TMPRSS15: variants seen among roughly 807,000 people sequenced by gnomAD.
TMPRSS15 encodes the protein transmembrane serine protease 15.
TMPRSS15 carries 128 observed loss-of-function variants against 125.3 expected under a neutral mutation model. That is an observed-to-expected ratio of 1.02 (90% confidence interval 0.89 to 1.18). The LOEUF (loss-of-function observed/expected upper bound fraction) is 1.18. Among genes scored for constraint, TMPRSS15 ranks in the 50% most tolerant of loss-of-function variants. The pLI, the probability that TMPRSS15 is intolerant of heterozygous loss-of-function variation, is 0.00. For synonymous variants in TMPRSS15, 446 were observed against 423.2 expected (o/e 1.05, Z -0.66); for missense variants, 1,283 against 1,212.7 (o/e 1.06, Z -0.86).
At chr21:18,443,972 T>C (rs2076249144) in intron 1 of TMPRSS15, among the ~76,000 whole-genome samples, 1 of 152,150 alleles carries the variant, frequency 6.6e-6, no homozygotes, top group Non-Finnish European at 1.5e-5. Context: ...CTGCTAGAGC[T>C]TCTGGCCAAG....
chr21:18,321,518 A>T (rs973482097), intron 16 of TMPRSS15, among the ~76,000 whole-genome samples: 2 of 151,856 alleles, frequency 1.3e-5, no homozygotes, highest in East Asian at 3.9e-4. Context: ...ACGCCCAGCT[A>T]ATATTTTGTA....
At chr21:18,386,368 A>G (rs560626140) in intron 3 of TMPRSS15, among the ~76,000 whole-genome samples, 7 of 152,236 alleles carry the variant, frequency 4.6e-5, no homozygotes, top group Admixed American at 4.6e-4. Flanking sequence ...TATCAATTCT[A>G]TTCTGAACTA....
intron 21 of TMPRSS15, among the ~76,000 whole-genome samples, chr21:18,288,441 A>G (rs1255662677): frequency 1.3e-5 from 2 of 151,972 alleles, no homozygotes; most frequent in African/African-American, 4.8e-5. Flanking sequence ...CAATCCACCC[A>G]TGTAACAAAA....
rs766036459 is a variant in TMPRSS15, at chr21:18,275,338, T to C, written c.2765-2A>G. On this transcript the variant is annotated splice_acceptor_variant, in intron 23 of 24. Transcript: ENST00000284885. LOFTEE classifies it high-confidence loss of function. ...CTTGCAATATGTTTGCAGTAGTACC[T>C]GCTCAAAATGGAGAATGCAGCCAGC... is the stretch of plus-strand genomic sequence containing the variant. The C allele has an allele frequency of 1.2e-6, 2 of 1,613,870 alleles. No homozygotes were observed. The highest frequency in any genetic ancestry group is 1.3e-5 in the African/African-American group (1 of 75,060).
intron 3 of TMPRSS15, among the ~76,000 whole-genome samples, chr21:18,391,321 A>C (rs891681764): frequency 6.6e-6 from 1 of 152,250 alleles, no homozygotes; most frequent in East Asian, 1.9e-4. Flanking sequence ...AAAATCAAAA[A>C]CAAGTTCATT....
chr21:18,367,028 G>C (rs1402531756), intron 6 of TMPRSS15, among the ~76,000 whole-genome samples: 1 of 151,226 alleles, frequency 6.6e-6, no homozygotes, highest in African/African-American at 2.4e-5. Context: ...CTTTTTTTTG[G>C]TATATATATA....
rs141572940 is a variant in TMPRSS15 at position 18,454,356 on chromosome 21, G to A, written c.10+31443C>T. ...AGAAAGAAGTATTTTCTTTTGCCCC[G>A]AAGCCATTTTAATATGTGTATTAGT... On this transcript the variant is annotated intron_variant, in intron 1 of 7. Coordinates refer to the TMPRSS15 transcript ENST00000422787. Among the ~76,000 whole-genome samples, 221 of 152,048 alleles carry A rather than the reference G, an allele frequency of 1.5e-3. 1 individual carries two copies. The highest frequency in any genetic ancestry group is 5.0e-3 in the African/African-American group (206 of 41,466).
At chr21:18,291,759 A>G (rs868033700) in intron 21 of TMPRSS15, among the ~76,000 whole-genome samples, 2 of 152,238 alleles carry the variant, frequency 1.3e-5, no homozygotes, top group African/African-American at 4.8e-5. Context: ...AGAGAAAAAA[A>G]AAATAATTCC....
At chr21:18,326,696 C>T in intron 15 of TMPRSS15, 124 bp from the exon 16 acceptor site, 2 of 1,034,642 alleles carry the variant, frequency 1.9e-6, no homozygotes, top group Non-Finnish European at 3.0e-6. Context: ...GCTCATAGAG[C>T]AGCCACAAGT....
intron 1 of TMPRSS15, among the ~76,000 whole-genome samples, chr21:18,475,471 A>G: frequency 6.6e-6 from 1 of 151,988 alleles, no homozygotes; most frequent in Non-Finnish European, 1.5e-5. Flanking sequence ...GCGGGCCTGT[A>G]GTCCCAGCTA....
chr21:18,378,433 T>C (rs2075863629), intron 5 of TMPRSS15, among the ~76,000 whole-genome samples: 2 of 152,144 alleles, frequency 1.3e-5, no homozygotes, highest in Admixed American at 1.3e-4. Context: ...TGATGGCTTG[T>C]TTCCTAAAGC....
intron 1 of TMPRSS15, among the ~76,000 whole-genome samples, chr21:18,438,775 G>T (rs1480634796): frequency 6.6e-6 from 1 of 152,122 alleles, no homozygotes; most frequent in Non-Finnish European, 1.5e-5. Context: ...GTATATGCTT[G>T]TATGTACTTA....
chr21:18,336,821 C>T (rs934772938), intron 13 of TMPRSS15, among the ~76,000 whole-genome samples: 1 of 152,124 alleles, frequency 6.6e-6, no homozygotes, highest in Non-Finnish European at 1.5e-5. Context: ...CAGGTATGTG[C>T]CACTGTGCCT....
chr21:18,310,943 T>C (rs1269192551), intron 18 of TMPRSS15, among the ~76,000 whole-genome samples: 5 of 145,730 alleles, frequency 3.4e-5, no homozygotes, highest in Admixed American at 6.8e-5. Context: ...CTTTTTTTTT[T>C]TTTTTTTTTT....
intron 14 of TMPRSS15, among the ~76,000 whole-genome samples, 194 bp downstream of exon 14, chr21:18,331,890 G>A (rs542987050): frequency 1.2e-4 from 19 of 152,312 alleles, no homozygotes; most frequent in Admixed American, 9.2e-4. Context: ...TTAACACAGT[G>A]CCTGGCATGA....
chr21:18,307,380 G>A (rs1014676388), intron 18 of TMPRSS15, among the ~76,000 whole-genome samples: 1 of 152,124 alleles, frequency 6.6e-6, no homozygotes, highest in Admixed American at 6.5e-5. Context: ...GTGGGAAATG[G>A]GATCAGTGAA....
At chr21:18,365,958 C>T (rs1474004279) in intron 6 of TMPRSS15, among the ~76,000 whole-genome samples, 2 of 151,850 alleles carry the variant, frequency 1.3e-5, no homozygotes, top group African/African-American at 2.4e-5. Flanking sequence ...TGGTCTCGAT[C>T]TCCTGACCAT....
At chr21:18,327,044 A>G (rs2075299533) in intron 15 of TMPRSS15, among the ~76,000 whole-genome samples, 2 of 152,226 alleles carry the variant, frequency 1.3e-5, no homozygotes, top group Non-Finnish European at 2.9e-5. Context: ...GGTGGCTTTT[A>G]AACCTTTTGC....
In TMPRSS15 at chr21:18,275,201, C is replaced by A; in HGVS notation, c.2900G>T (p.Cys967Phe). 6.2e-7 allele frequency: 1 copy of A among 1,613,888 alleles called. No individual in the cohort carries two copies. The highest frequency in any genetic ancestry group is 8.5e-7 in the Non-Finnish European group (1 of 1,179,944). The change falls in exon 24 of 25, where the codon TGT becomes TTT. Residue 967 changes from cysteine (C) to phenylalanine (F), a missense_variant. By Grantham distance (205) the Cys-to-Phe change is radical. Coordinates refer to ENST00000284885, the MANE Select transcript of TMPRSS15 (RefSeq NM_002772.3). ...AGYEEGGIDSCQGDSGGPLMC... is the reference protein window; with the variant it reads ...AGYEEGGIDSFQGDSGGPLMC... ...TGAGCAGTTTTACATCTTTACCTGACAAGAATCTATTCCTCCTTCTTCATA... is the reference window on the plus strand; with the variant it reads ...TGAGCAGTTTTACATCTTTACCTGAAAAGAATCTATTCCTCCTTCTTCATA...
Sources: allele counts gnomAD v4.1 joint callset (sites outside exome capture counted in the v4.1 genomes callset), GRCh38; gene constraint gnomAD v4.1.1; transcripts MANE v1.5; gene names NCBI Gene and HGNC (gene_info 2026-07-23, HGNC 2026-07-21).